The following CACNA1E variants were observed in gnomAD, a reference collection of about 807,000 sequenced individuals.
CACNA1E encodes voltage-dependent R-type calcium channel subunit alpha-1E.
A neutral mutation model predicts 259.2 loss-of-function variants in CACNA1E; 40 were observed. That is an observed-to-expected ratio of 0.15 (90% confidence interval 0.12 to 0.20). CACNA1E has a LOEUF of 0.20. Among genes scored for constraint, CACNA1E ranks in the 10% least tolerant of loss-of-function variants. The pLI is 1.00. For synonymous variants in CACNA1E, 1,104 were observed against 1,138.5 expected, an observed-to-expected ratio of 0.97 and a Z score of 0.61; for missense variants, 1,874 against 3,040.1, an observed-to-expected ratio of 0.62 and a Z score of 9.02.
chr1:181,706,114 G>A (rs1394219231), intron 7 of CACNA1E, among the ~76,000 whole-genome samples: 1 of 151,764 alleles, frequency 6.6e-6, no homozygotes, highest in Non-Finnish European at 1.5e-5. Flanking sequence ...GGGGCCTTAG[G>A]GAATATGAAC....
chr1:181,578,969 G>A (rs962065587), intron 4 of CACNA1E, 103 bp from the exon 5 acceptor site: 13 of 978,794 alleles, frequency 1.3e-5, no homozygotes, highest in Non-Finnish European at 1.9e-5. Context: ...ATCAGAGGCA[G>A]ACGGCAGCAT....
chr1:181,658,549 TA>T (rs1659395454), intron 7 of CACNA1E, among the ~76,000 whole-genome samples: 1 of 152,210 alleles, frequency 6.6e-6, no homozygotes, highest in Admixed American at 6.5e-5. Flanking sequence ...TATCCTTCGA[TA>T]ATATTAACAT....
At chr1:181,591,767 T>C (rs2103026057) in intron 6 of CACNA1E, among the ~76,000 whole-genome samples, 1 of 152,346 alleles carries the variant, frequency 6.6e-6, no homozygotes, top group South Asian at 2.1e-4. Context: ...GCCTTTATTT[T>C]TCTATCAGTA....
intron 3 of CACNA1E, among the ~76,000 whole-genome samples, chr1:181,551,276 A>G (rs1408740174): frequency 3.3e-5 from 5 of 152,170 alleles, no homozygotes; most frequent in Non-Finnish European, 7.3e-5. Flanking sequence ...GGGAAATTGC[A>G]GGAAAAACTG....
At chr1:181,719,648 TC>T in intron 12 of CACNA1E, 102 bp from the exon 13 acceptor site, 1 of 569,864 alleles carries the variant, frequency 1.8e-6, no homozygotes, top group Non-Finnish European at 3.1e-6. Context: ...AGTTTTTATT[TC>T]CCCATCCCCC....
intron 2 of CACNA1E, among the ~76,000 whole-genome samples, chr1:181,421,881 C>G (rs1439877166): frequency 6.6e-6 from 1 of 152,178 alleles, no homozygotes; most frequent in Non-Finnish European, 1.5e-5. Context: ...AGAATGTGAT[C>G]TATTGACACA....
At chr1:181,567,982 G>C (rs906706202) in intron 3 of CACNA1E, among the ~76,000 whole-genome samples, 1 of 151,808 alleles carries the variant, frequency 6.6e-6, no homozygotes, top group Non-Finnish European at 1.5e-5. Context: ...CACACATCTG[G>C]CTTGTGATGT....
chr1:181,426,060 G>T (rs923347299), intron 2 of CACNA1E, among the ~76,000 whole-genome samples: 4 of 152,040 alleles, frequency 2.6e-5, no homozygotes, highest in Non-Finnish European at 4.4e-5. Context: ...TCTGCTCTTG[G>T]AGTAGGACAG....
In CACNA1E at chr1:181,806,775, T is replaced by C. The variant is rs981938529; in HGVS notation, c.*7941T>C. 1.3e-5 allele frequency: 2 copies of C among 152,156 alleles called. No individual in the cohort carries two copies. Among genetic ancestry groups the C allele is most frequent in the Non-Finnish European group, 2.9e-5 (2 of 68,014 alleles). The allele number at this position is 152,156 out of a possible 1,614,324, so 9.4% of individuals were successfully genotyped here. On this transcript the variant is annotated 3_prime_UTR_variant, in exon 48 of 48. Coordinates refer to ENST00000367573, the MANE Select transcript of CACNA1E (RefSeq NM_001205293.3). ...AAAGAAAAGAATAAATAAAACCTTGTTGTAAAGAATGCATCGGCCTGATTT... is the reference window on the plus strand; with the variant it reads ...AAAGAAAAGAATAAATAAAACCTTGCTGTAAAGAATGCATCGGCCTGATTT...
At chr1:181,681,493 G>C (rs1026942513) in intron 7 of CACNA1E, among the ~76,000 whole-genome samples, 13 of 152,100 alleles carry the variant, frequency 8.5e-5, no homozygotes, top group Non-Finnish European at 1.5e-5. Flanking sequence ...CCTTGATCCT[G>C]TCACACCCAG....
At chr1:181,354,645 G>A (rs903296369) in intron 1 of CACNA1E, among the ~76,000 whole-genome samples, 1 of 152,166 alleles carries the variant, frequency 6.6e-6, no homozygotes, top group Non-Finnish European at 1.5e-5. Flanking sequence ...GAGGGACACT[G>A]AGCTGCAGGT....
chr1:181,557,249 A>G (rs1452839984), intron 3 of CACNA1E, among the ~76,000 whole-genome samples: 1 of 152,154 alleles, frequency 6.6e-6, no homozygotes, highest in Non-Finnish European at 1.5e-5. Context: ...GATTGCTTGG[A>G]AGGGCATGGG....
chr1:181,708,406 C>A (rs1044117095), intron 7 of CACNA1E, among the ~76,000 whole-genome samples: 3 of 152,244 alleles, frequency 2.0e-5, no homozygotes, highest in African/African-American at 7.2e-5. Context: ...CCACTTAAGT[C>A]ACTTTAGATT....
In CACNA1E at chr1:181,776,166, C is replaced by A; in HGVS notation, c.5205C>A (p.Ile1735=). 6.2e-7 allele frequency: 1 copy of A among 1,613,958 alleles called. No homozygotes were observed. The highest frequency in any genetic ancestry group is 8.5e-7 in the Non-Finnish European group (1 of 1,179,802). ...AGTACCTGACTCGGGACTCCTCCAT[C>A]CTGGGGCCTCACCACTTGGACGAGT... ...NFEYLTRDSS[I]LGPHHLDEFV... Residue 1735 remains isoleucine, a synonymous_variant, in exon 38 of 48, where the codon ATC becomes ATA. Coordinates refer to ENST00000367573, the MANE Select transcript of CACNA1E (RefSeq NM_001205293.3). This position sits in a 1 kb window ranked among gnomAD's most constrained non-coding sequence, Gnocchi z 4.4.
chr1:181,630,332 T>A (rs1210478374), intron 6 of CACNA1E, among the ~76,000 whole-genome samples: 3 of 152,024 alleles, frequency 2.0e-5, no homozygotes, highest in Non-Finnish European at 2.9e-5. Flanking sequence ...ACTCTCCACC[T>A]CTTCCTGAGG....
intron 6 of CACNA1E, among the ~76,000 whole-genome samples, chr1:181,592,291 G>T (rs1330540039): frequency 6.6e-6 from 1 of 152,074 alleles, no homozygotes; most frequent in South Asian, 2.1e-4. Context: ...TAAGTATTCG[G>T]TAAATATCCA....
intron 9 of CACNA1E, among the ~76,000 whole-genome samples, chr1:181,715,729 C>T (rs1653823195): frequency 6.6e-6 from 1 of 152,152 alleles, no homozygotes; most frequent in South Asian, 2.1e-4. Flanking sequence ...CTTTCATTAC[C>T]AGGAAGTGGC....
chr1:181,644,884 C>T (rs1658121654), intron 6 of CACNA1E, among the ~76,000 whole-genome samples: 1 of 152,144 alleles, frequency 6.6e-6, no homozygotes, highest in Non-Finnish European at 1.5e-5. Context: ...GTTACAGCCC[C>T]CCATCATCAC....
chr1:181,747,911 G>A (rs3767004), intron 25 of CACNA1E, among the ~76,000 whole-genome samples: 15,555 of 152,146 alleles, frequency 0.1, 994 homozygotes, highest in East Asian at 0.3. Flanking sequence ...TTAACTAATG[G>A]GGACTAAAGT....
Sources: gnomAD v4.1 joint callset for allele counts (sites outside exome capture counted in the v4.1 genomes callset) on GRCh38, gnomAD v4.1.1 for gene constraint, Gnocchi (gnomAD v3.1) non-coding constraint, MANE v1.5 for transcripts, NCBI Gene and HGNC (gene_info 2026-07-23, HGNC 2026-07-21) for gene names.